The following RELN variants were observed in gnomAD, a reference collection of about 807,000 sequenced individuals.
RELN encodes the protein reelin.
A neutral mutation model predicts 427.6 loss-of-function variants in RELN; 108 were observed. The observed-to-expected ratio is 0.25, with a 90% CI of 0.22 to 0.30. The LOEUF is 0.30. Ranked by LOEUF, RELN falls within the 10% of genes least tolerant of loss-of-function variation. The pLI is 1.00. For missense variants in RELN, 3,715 were observed against 4,302.8 expected (o/e 0.86, Z 3.82); for synonymous variants, 1,524 against 1,513.4 (o/e 1.01, Z -0.16).
At chr7:103,829,811 A>T (rs1793231734) in intron 3 of RELN, among the ~76,000 whole-genome samples, 1 of 151,972 alleles carries the variant, frequency 6.6e-6, no homozygotes, top group Non-Finnish European at 1.5e-5. Context: ...AATCATCTTG[A>T]ATTTCAGTTT....
At chr7:103,492,525 C>A (rs1425580947) in intron 57 of RELN, among the ~76,000 whole-genome samples, 3 of 152,098 alleles carry the variant, frequency 2.0e-5, no homozygotes, top group Non-Finnish European at 4.4e-5. Context: ...ATGTTTGAAT[C>A]ATTAATAATA....
intron 64 of RELN, among the ~76,000 whole-genome samples, chr7:103,475,718 C>T (rs1562836254): frequency 6.6e-6 from 1 of 152,072 alleles, no homozygotes; most frequent in Non-Finnish European, 1.5e-5. Context: ...GCAACGTCTC[C>T]ATATAATTAT....
rs1795100388 is a variant in RELN at position 103,902,311 on chromosome 7, A to G, written c.337+14764T>C. On this transcript the variant is annotated intron_variant, in intron 2 of 64. Coordinates refer to ENST00000428762, the MANE Select transcript of RELN (RefSeq NM_005045.4). ...AAATCATATAAAAGTCAGGTTAAAA[A>G]AGAATCTTCTCATAATCAAATAATT... 2.0e-5 allele frequency among the ~76,000 whole-genome samples: 3 copies of G among 152,100 alleles called. No homozygotes were observed. In the South Asian group the frequency reaches 6.2e-4, roughly 31 times the overall value.
Position 103,675,571 on chromosome 7 carries a change from C to T in RELN, c.1289+6545G>A, listed in dbSNP as rs138192799. Among the ~76,000 whole-genome samples, 115 of 152,298 alleles carry T rather than the reference C, an allele frequency of 7.6e-4. No homozygotes were observed. The South Asian group carries it at 0.012, about 15-fold the overall frequency. ...TCATATGGAACCAAAAAAGAGCCCA[C>T]ATTGCCAAGACAATCCTAAGCCAAA... is the stretch of plus-strand genomic sequence containing the variant. On this transcript the variant is annotated intron_variant, in intron 11 of 64. Coordinates refer to ENST00000428762, the MANE Select transcript of RELN (RefSeq NM_005045.4).
Position 103,496,666 on chromosome 7 carries a change from C to T in RELN, c.9053G>A (p.Arg3018Gln), listed in dbSNP as rs1828850685. ...CACAAAAGGCTGCCACCAGCGAAGT[C>T]GAGTTGTGTTGGTGAGGGCATCTTC... ...LPEDALTNTT[R>Q]LRWWQPFVIS... The change falls in exon 56 of 65, where the codon CGA becomes CAA. Residue 3018 changes from arginine (R) to glutamine (Q), a missense_variant. By Grantham distance (43) the Arg-to-Gln change is conservative (BLOSUM62 1). Transcript: ENST00000428762. 1 of 1,614,120 alleles carries T rather than the reference C, an allele frequency of 6.2e-7. No homozygotes were observed. Among genetic ancestry groups the T allele is most frequent in the Non-Finnish European group, 8.5e-7 (1 of 1,180,014 alleles).
intron 15 of RELN, among the ~76,000 whole-genome samples, chr7:103,651,294 A>G (rs1215629265): frequency 3.3e-5 from 5 of 152,094 alleles, no homozygotes; most frequent in Non-Finnish European, 5.9e-5. Context: ...GAGAGTAAAT[A>G]TGATTACACA....
intron 2 of RELN, among the ~76,000 whole-genome samples, chr7:103,834,103 G>A (rs1793342506): frequency 6.6e-6 from 1 of 152,112 alleles, no homozygotes; most frequent in African/African-American, 2.4e-5. Context: ...TATTTCAGAG[G>A]GCAAGGTGAT....
chr7:103,753,088 T>G (rs1791047486), intron 5 of RELN, 94 bp downstream of exon 5: 1 of 1,239,770 alleles, frequency 8.1e-7, no homozygotes, highest in Non-Finnish European at 1.2e-6. Flanking sequence ...GAGGACAGCT[T>G]CCTTGCCTCT....
At chr7:103,577,311 C>T (rs1486608543) in intron 28 of RELN, among the ~76,000 whole-genome samples, 2 of 151,966 alleles carry the variant, frequency 1.3e-5, no homozygotes, top group Non-Finnish European at 2.9e-5. Context: ...TTTTTTCCCC[C>T]CTTCATTATT....
At chr7:103,629,229 C>T (rs1270673806) in intron 20 of RELN, among the ~76,000 whole-genome samples, 1 of 152,136 alleles carries the variant, frequency 6.6e-6, no homozygotes, top group African/African-American at 2.4e-5. Context: ...CTACTCAACA[C>T]TGTTGTATTA....
chr7:103,541,432 C>A (rs1830175541), intron 43 of RELN, among the ~76,000 whole-genome samples: 1 of 152,152 alleles, frequency 6.6e-6, no homozygotes, highest in Non-Finnish European at 1.5e-5. Flanking sequence ...ACCATTCATT[C>A]CTCATGAGTT....
intron 1 of RELN, among the ~76,000 whole-genome samples, chr7:103,927,879 G>T (rs940102023): frequency 1.1e-4 from 16 of 152,176 alleles, no homozygotes; most frequent in African/African-American, 2.4e-5. Flanking sequence ...GTTATCTAAA[G>T]AGTGTTTAAT....
intron 3 of RELN, among the ~76,000 whole-genome samples, chr7:103,802,414 T>C (rs1792490371): frequency 6.6e-6 from 1 of 152,184 alleles, no homozygotes; most frequent in Admixed American, 6.6e-5. Flanking sequence ...AAGTACACAG[T>C]TAAAAGGATT....
At chr7:103,606,105 A>G (rs1010505777) in intron 22 of RELN, among the ~76,000 whole-genome samples, 1 of 152,220 alleles carries the variant, frequency 6.6e-6, no homozygotes, top group Non-Finnish European at 1.5e-5. Context: ...GAATAGACGT[A>G]AATAAGACTT....
At chr7:103,787,688 A>T (rs1279923927) in intron 3 of RELN, among the ~76,000 whole-genome samples, 1 of 152,226 alleles carries the variant, frequency 6.6e-6, no homozygotes, top group Admixed American at 6.5e-5. Context: ...TGAAGCAGTA[A>T]ATAATAGCCT....
At chr7:103,765,376 A>G (rs1210834403) in intron 4 of RELN, among the ~76,000 whole-genome samples, 1 of 152,106 alleles carries the variant, frequency 6.6e-6, no homozygotes, top group South Asian at 2.1e-4. Context: ...TAACAATGGG[A>G]TGGGAGACTG....
In RELN at chr7:103,603,750, A is replaced by G. The variant is rs1339644719; in HGVS notation, c.3147-260T>C. ...TGGGCATCAAGTATTTACGAAGGACAGTGGTGTGTGTGCTTATGTGAGTGT... is the reference window on the plus strand; with the variant it reads ...TGGGCATCAAGTATTTACGAAGGACGGTGGTGTGTGTGCTTATGTGAGTGT... On this transcript the variant is annotated intron_variant, in intron 23 of 64. Coordinates refer to ENST00000428762, the MANE Select transcript of RELN (RefSeq NM_005045.4). This position sits in a 1 kb window ranked among gnomAD's most constrained non-coding sequence, Gnocchi z 4.3. Among the ~76,000 whole-genome samples the G allele has an allele frequency of 6.6e-6, 1 of 152,154 alleles. No homozygotes were observed. The highest frequency in any genetic ancestry group is 1.5e-5 in the Non-Finnish European group (1 of 68,018).
intron 61 of RELN, 75 bp downstream of exon 61, chr7:103,486,122 A>T: frequency 7.2e-7 from 1 of 1,390,908 alleles, no homozygotes; most frequent in Non-Finnish European, 1.0e-6. Context: ...TCACAATCCT[A>T]TCTAACAGAC....
chr7:103,629,186 G>A (rs1832397096), intron 20 of RELN, among the ~76,000 whole-genome samples: 1 of 152,070 alleles, frequency 6.6e-6, no homozygotes, highest in South Asian at 2.1e-4. Flanking sequence ...AGCCTCTCGG[G>A]AGTTTCCTAT....
Sources: gnomAD v4.1 joint callset for allele counts (sites outside exome capture counted in the v4.1 genomes callset) on GRCh38, gnomAD v4.1.1 for gene constraint, Gnocchi (gnomAD v3.1) non-coding constraint, MANE v1.5 for transcripts, NCBI Gene and HGNC (gene_info 2026-07-23, HGNC 2026-07-21) for gene names.